ATP6V0D1: variants seen among roughly 807,000 people sequenced by gnomAD.
The protein encoded by ATP6V0D1 is V-type proton ATPase subunit d 1.
ATP6V0D1 carries 13 observed loss-of-function variants against 39.0 expected under a neutral mutation model. The observed-to-expected ratio is 0.33, with a 90% CI of 0.22 to 0.53. The LOEUF (loss-of-function observed/expected upper bound fraction) is 0.53. Among genes scored for constraint, ATP6V0D1 ranks in the 20% least tolerant of loss-of-function variants. ATP6V0D1 has a pLI of 0.94. For missense variants in ATP6V0D1, 272 were observed against 470.9 expected (o/e 0.58, Z 3.91); for synonymous variants, 191 against 191.2 (o/e 1.00, Z 0.01).
intron 1 of ATP6V0D1, chr16:67,454,563 G>GT (rs1382833665): frequency 5.2e-4 from 78 of 149,520 alleles, no homozygotes; most frequent in Middle Eastern, 3.4e-3. Flanking sequence ...TTTTTTGTTT[G>GT]TTTGTTTTTT....
chr16:67,460,879 A>G (rs538827094), intron 1 of ATP6V0D1, among the ~76,000 whole-genome samples: 4 of 152,172 alleles, frequency 2.6e-5, no homozygotes, highest in African/African-American at 4.8e-5. Context: ...ACAGGGGAGA[A>G]AGAATCTGGG....
chr16:67,451,616 A>G (rs1451187035), intron 2 of ATP6V0D1, among the ~76,000 whole-genome samples: 1 of 152,216 alleles, frequency 6.6e-6, no homozygotes, highest in African/African-American at 2.4e-5. Context: ...GTCATGGACC[A>G]AGCAGACACA....
rs561910464 is a variant in ATP6V0D1, at chr16:67,468,203, G to A, written c.130+12754C>T. 4.0e-4 allele frequency among the ~76,000 whole-genome samples: 61 copies of A among 152,152 alleles called. No homozygotes were observed. In the South Asian group the frequency reaches 8.1e-3, roughly 20 times the overall value. On this transcript the variant is annotated intron_variant, in intron 1 of 7. Transcript: ENST00000290949. ...CTACTTGGGAAAGGTGAGGTAGAAG[G>A]ATCACTTGAGCCCAGGAGGTTGAGG...
rs1323249046 is a variant in ATP6V0D1, at chr16:67,444,467, C to A, written c.481+61G>T. ...CGCCCCCCAGCGGGTCCACAAACCC[C>A]ACCCTGATGCGCTGATGCTGACACC... On this transcript the variant is annotated intron_variant, in intron 3 of 7. Transcript: ENST00000290949. The surrounding 1 kb of genome is among the most constrained non-coding windows in gnomAD (Gnocchi z 4.8). The A allele has an allele frequency of 2.0e-6, 3 of 1,519,460 alleles. No individual in the cohort carries two copies. The highest frequency in any genetic ancestry group is 1.8e-6 in the Non-Finnish European group (2 of 1,125,230). 94.1% of individuals were successfully genotyped at this position (1,519,460 alleles called of 1,614,324 possible). A position where few individuals can be genotyped will look rare whatever the true frequency, so the allele number is the denominator to read the frequency against.
At chr16:67,477,895 T>G (rs1461173091) in intron 1 of ATP6V0D1, among the ~76,000 whole-genome samples, 2 of 152,156 alleles carry the variant, frequency 1.3e-5, no homozygotes, top group Non-Finnish European at 2.9e-5. Context: ...GGTCTCGATC[T>G]CCTGACCTCA....
At chr16:67,473,272 C>T (rs564629564) in intron 1 of ATP6V0D1, among the ~76,000 whole-genome samples, 4 of 152,142 alleles carry the variant, frequency 2.6e-5, no homozygotes, top group African/African-American at 7.2e-5. Context: ...ATTTGCCATA[C>T]AATTTGCCAA....
At chr16:67,475,120 C>G (rs564962181) in intron 1 of ATP6V0D1, among the ~76,000 whole-genome samples, 1 of 152,192 alleles carries the variant, frequency 6.6e-6, no homozygotes, top group Non-Finnish European at 1.5e-5. Flanking sequence ...TGTTAAAGTA[C>G]AAGTCTAATA....
At chr16:67,477,492 G>A (rs946505539) in intron 1 of ATP6V0D1, among the ~76,000 whole-genome samples, 1 of 152,146 alleles carries the variant, frequency 6.6e-6, no homozygotes, top group African/African-American at 2.4e-5. Context: ...AGGGTATGCT[G>A]TCTGGGACTT....
rs1454672587 is a variant in ATP6V0D1 at position 67,453,207 on chromosome 16, T to A, written c.302+337A>T. Among the ~76,000 whole-genome samples, 5 of 152,044 alleles carry A rather than the reference T, an allele frequency of 3.3e-5. No homozygotes were observed. Among genetic ancestry groups the A allele is most frequent in the Admixed American group, 3.3e-4 (5 of 15,280 alleles). On this transcript the variant is annotated intron_variant, in intron 2 of 7. Transcript: ENST00000290949. This position sits in a 1 kb window ranked among gnomAD's most constrained non-coding sequence, Gnocchi z 4.1. ...GGGCTCCCACCTTCCCAGGTTTCCC[T>A]GCCCCAGTCTATGTGACTGGGGGAA...
chr16:67,465,833 AG>A (rs150844373), intron 1 of ATP6V0D1, among the ~76,000 whole-genome samples: 45 of 152,316 alleles, frequency 3.0e-4, no homozygotes, highest in African/African-American at 1.1e-3. Context: ...CTGAGACTTA[AG>A]TGAGGGAAGT....
At chr16:67,468,237 G>A (rs1323882546) in intron 1 of ATP6V0D1, among the ~76,000 whole-genome samples, 1 of 152,046 alleles carries the variant, frequency 6.6e-6, no homozygotes, top group Non-Finnish European at 1.5e-5. Context: ...GGCTGCAGTG[G>A]GTCATGATCA....
chr16:67,451,542 A>T (rs2041180909), intron 2 of ATP6V0D1, among the ~76,000 whole-genome samples: 1 of 152,184 alleles, frequency 6.6e-6, no homozygotes, highest in Non-Finnish European at 1.5e-5. Context: ...CTGGGCAGCC[A>T]TCAGTGGGGA....
chr16:67,462,565 C>A (rs541772403), intron 1 of ATP6V0D1, among the ~76,000 whole-genome samples: 2 of 152,326 alleles, frequency 1.3e-5, no homozygotes, highest in African/African-American at 4.8e-5. Flanking sequence ...TGGCTCACAC[C>A]TATAATCCCA....
chr16:67,477,660 T>A lies in ATP6V0D1; in HGVS notation c.130+3297A>T, dbSNP rs576850963. On this transcript the variant is annotated intron_variant, in intron 1 of 7. Coordinates refer to ENST00000290949, the MANE Select transcript of ATP6V0D1 (RefSeq NM_004691.5). ...CTTCTTATTTGTATATGTTTGACAGTATCCATAATAAACAGTTTTTTTTTT... is the reference window on the plus strand; with the variant it reads ...CTTCTTATTTGTATATGTTTGACAGAATCCATAATAAACAGTTTTTTTTTT... Among the ~76,000 whole-genome samples the A allele has an allele frequency of 9.2e-5, 14 of 151,622 alleles. No individual in the cohort carries two copies. In the South Asian group the frequency reaches 2.9e-3, roughly 31 times the overall value.
chr16:67,469,968 G>A (rs955943573), intron 1 of ATP6V0D1, among the ~76,000 whole-genome samples: 3 of 152,166 alleles, frequency 2.0e-5, no homozygotes, highest in Admixed American at 6.5e-5. Context: ...GGGATTACAT[G>A]TAACGCTTTG....
In ATP6V0D1 at chr16:67,438,501, T is replaced by C; in HGVS notation, c.*27A>G. 3 of 1,605,032 alleles carry C rather than the reference T, an allele frequency of 1.9e-6. No individual in the cohort carries two copies. Among genetic ancestry groups the C allele is most frequent in the South Asian group, 1.1e-5 (1 of 90,264 alleles). On this transcript the variant is annotated 3_prime_UTR_variant, in exon 8 of 8. Coordinates refer to ENST00000290949, the MANE Select transcript of ATP6V0D1 (RefSeq NM_004691.5). ...CACACACACACACACACACAAAGAG[T>C]GCAATTGAGAGCCTTGGGCCAGGAC... is the stretch of plus-strand genomic sequence containing the variant.
At position 67,444,690 on chromosome 16, in the gene ATP6V0D1, C is replaced by T. The variant is rs777256753; in HGVS notation, c.319G>A (p.Asp107Asn). 16 of 1,600,056 alleles carry T rather than the reference C, an allele frequency of 1.0e-5. No individual in the cohort carries two copies. The Admixed American group carries it at 1.8e-4, about 18-fold the overall frequency. Residue 107 changes from aspartate (D) to asparagine (N), a missense_variant, in exon 3 of 8, where the codon GAC becomes AAC. By Grantham distance (23) the Asp-to-Asn change is conservative. Transcript: ENST00000290949. This position sits in a 1 kb window ranked among gnomAD's most constrained non-coding sequence, Gnocchi z 4.8. ...CCTGTGATGAGCAGGATCACGTTGT[C>T]GATCATGTAACTGTAACTACAGGGG... ...LDFITYSYMI[D>N]NVILLITGTL...
chr16:67,478,921 T>C (rs993161274), intron 1 of ATP6V0D1, among the ~76,000 whole-genome samples: 1 of 151,752 alleles, frequency 6.6e-6, no homozygotes. Flanking sequence ...CGAATGTCTA[T>C]TGATGATCAA....
chr16:67,449,791 TC>T (rs2142308683), intron 2 of ATP6V0D1, among the ~76,000 whole-genome samples: 1 of 152,312 alleles, frequency 6.6e-6, no homozygotes, highest in East Asian at 1.9e-4. Flanking sequence ...TCCAGGCACC[TC>T]CCTCCCAGCC....
Sources: allele counts gnomAD v4.1 joint callset (sites outside exome capture counted in the v4.1 genomes callset), GRCh38; gene constraint gnomAD v4.1.1; non-coding constraint Gnocchi (gnomAD v3.1); transcripts MANE v1.5; gene names NCBI Gene and HGNC (gene_info 2026-07-23, HGNC 2026-07-21).